PLCB4: variants seen among roughly 807,000 people sequenced by gnomAD.
The protein encoded by PLCB4 is phospholipase C beta 4, also known as 1-phosphatidylinositol 4,5-bisphosphate phosphodiesterase beta-4.
PLCB4 carries 77 observed loss-of-function variants against 178.8 expected under a neutral mutation model. The observed-to-expected ratio is 0.43, with a 90% CI of 0.36 to 0.52. The LOEUF (loss-of-function observed/expected upper bound fraction) is 0.52. PLCB4 is among the 20% of genes least tolerant of loss of function. PLCB4 has a pLI of 0.00. For synonymous variants in PLCB4, 496 were observed against 490.8 expected, an observed-to-expected ratio of 1.01 and a Z score of -0.14; for missense variants, 1,024 against 1,453.4, an observed-to-expected ratio of 0.70 and a Z score of 4.80.
intron 2 of PLCB4, among the ~76,000 whole-genome samples, chr20:9,108,633 ATCT>A (rs774401635): frequency 1.3e-5 from 2 of 151,704 alleles, no homozygotes; most frequent in African/African-American, 4.8e-5. Flanking sequence ...AAGGAACAAG[ATCT>A]TCTTTTTTTT....
intron 35 of PLCB4, among the ~76,000 whole-genome samples, chr20:9,461,748 C>T (rs902548552): frequency 6.6e-6 from 1 of 152,114 alleles, no homozygotes; most frequent in Non-Finnish European, 1.5e-5. Flanking sequence ...AACAAAGTGG[C>T]CAGGAAGCTC....
chr20:9,396,788 A>G (rs558317725), intron 19 of PLCB4, among the ~76,000 whole-genome samples: 15 of 152,344 alleles, frequency 9.8e-5, no homozygotes, highest in African/African-American at 3.6e-4. Flanking sequence ...ACTGTAGGCT[A>G]GTAAGTGTTC....
At chr20:9,355,677 T>G (rs1456688024) in intron 7 of PLCB4, among the ~76,000 whole-genome samples, 1 of 152,010 alleles carries the variant, frequency 6.6e-6, no homozygotes, top group Non-Finnish European at 1.5e-5. Flanking sequence ...GTGCCACATT[T>G]TCTTAATCCA....
chr20:9,220,000 G>A (rs1236181509), intron 3 of PLCB4, among the ~76,000 whole-genome samples: 1 of 151,808 alleles, frequency 6.6e-6, no homozygotes, highest in Admixed American at 6.6e-5. Flanking sequence ...TATATGTCAC[G>A]TTCAATTTAG....
At chr20:9,142,975 C>A (rs1279445309) in intron 2 of PLCB4, among the ~76,000 whole-genome samples, 1 of 152,180 alleles carries the variant, frequency 6.6e-6, no homozygotes, top group African/African-American at 2.4e-5. Context: ...ACCTTGCCAA[C>A]TGCTTTTCCT....
At chr20:9,350,374 A>G (rs528888556) in intron 7 of PLCB4, among the ~76,000 whole-genome samples, 13 of 152,202 alleles carry the variant, frequency 8.5e-5, no homozygotes, top group African/African-American at 3.1e-4. Context: ...AGTCTGTGGG[A>G]TAGGTATTAT....
chr20:9,107,492 G>GGATT lies in PLCB4; in HGVS notation c.-79+11151_-79+11154dup, dbSNP rs556209056. Among the ~76,000 whole-genome samples the GGATT allele has an allele frequency of 2.5e-4, 38 of 152,244 alleles. No homozygotes were observed. The East Asian group carries it at 5.4e-3, about 22-fold the overall frequency. ...GTCAAGGCCCTAAGTTGCTAAGGAA[G>GGATT]GATTACATGTCATCTGTGGGGGGCG... On this transcript the variant is annotated intron_variant, in intron 2 of 39. Coordinates refer to ENST00000378473, the MANE Select transcript of PLCB4 (RefSeq NM_001377142.1).
At chr20:9,469,903 T>C (rs78900345) in intron 36 of PLCB4, among the ~76,000 whole-genome samples, 4,160 of 152,284 alleles carry the variant, frequency 0.027, 182 homozygotes, top group African/African-American at 0.092. Context: ...CATCTGAGAA[T>C]ACAAATGCTA....
intron 4 of PLCB4, among the ~76,000 whole-genome samples, chr20:9,331,603 G>A (rs1288898618): frequency 6.6e-6 from 1 of 152,038 alleles, no homozygotes; most frequent in Non-Finnish European, 1.5e-5. Context: ...CCTTATGAGG[G>A]GATTAAACTT....
chr20:9,360,960 A>G (rs185282222), intron 7 of PLCB4, among the ~76,000 whole-genome samples: 1 of 152,310 alleles, frequency 6.6e-6, no homozygotes, highest in East Asian at 1.9e-4. Flanking sequence ...TACTTAAAAA[A>G]AGAAACAAAC....
intron 12 of PLCB4, 128 bp from the exon 13 acceptor site, chr20:9,379,926 G>A (rs1412027477): frequency 1.8e-6 from 1 of 557,952 alleles, no homozygotes; most frequent in East Asian, 3.2e-5. Context: ...AGGCAGTGAG[G>A]TCCTATCTTT....
At chr20:9,375,011 G>A (rs923814871) in intron 12 of PLCB4, among the ~76,000 whole-genome samples, 13 of 151,858 alleles carry the variant, frequency 8.6e-5, no homozygotes, top group Admixed American at 2.6e-4. Flanking sequence ...TGATGGAATC[G>A]GTGTGATTCT....
chr20:9,474,480 A>C (rs1248589247), intron 38 of PLCB4, among the ~76,000 whole-genome samples: 1 of 152,132 alleles, frequency 6.6e-6, no homozygotes, highest in Non-Finnish European at 1.5e-5. Flanking sequence ...TTGGTATAGA[A>C]GTTATTATTC....
rs867755017 is a variant in PLCB4, at chr20:9,393,621, G to A, written c.1357G>A (p.Asp453Asn). 1.2e-6 allele frequency: 2 copies of A among 1,613,390 alleles called. No homozygotes were observed. Among genetic ancestry groups the A allele is most frequent in the Non-Finnish European group, 1.7e-6 (2 of 1,179,526 alleles). Residue 453 changes from aspartate to asparagine, a missense_variant, in exon 18 of 40, where the codon GAC becomes AAC. This residue lies in a region of PLCB4 where 263 missense variants were observed against 417.4 expected (regional missense o/e 0.63). Transcript: ENST00000378473. ...AGGCAGGGCTTTGCCATCCCCCAATGACCTCAAAAGAAAAATACTCATAAA... is the reference window on the plus strand; with the variant it reads ...AGGCAGGGCTTTGCCATCCCCCAATAACCTCAAAAGAAAAATACTCATAAA... Reference protein sequence around the residue: ...EPGRALPSPNDLKRKILIKNK... With the variant: ...EPGRALPSPNNLKRKILIKNK...
intron 2 of PLCB4, among the ~76,000 whole-genome samples, chr20:9,188,710 G>A (rs1472686650): frequency 1.4e-5 from 2 of 138,348 alleles, no homozygotes; most frequent in Non-Finnish European, 3.1e-5. Context: ...GTGGAGGGCT[G>A]TCATATAGTG....
At chr20:9,407,372 C>CTTT (rs1193918345) in intron 21 of PLCB4, among the ~76,000 whole-genome samples, 3 of 141,732 alleles carry the variant, frequency 2.1e-5, no homozygotes, top group Admixed American at 7.1e-5. Flanking sequence ...ATAGTAATTT[C>CTTT]TTTTTTTTTT....
intron 4 of PLCB4, among the ~76,000 whole-genome samples, chr20:9,316,312 A>G (rs1299362059): frequency 6.6e-6 from 1 of 152,190 alleles, no homozygotes; most frequent in East Asian, 1.9e-4. Flanking sequence ...AGTCCGGTGC[A>G]CACTTAAGTA....
intron 3 of PLCB4, among the ~76,000 whole-genome samples, chr20:9,261,323 C>G (rs1326785273): frequency 6.6e-6 from 1 of 151,922 alleles, no homozygotes; most frequent in Non-Finnish European, 1.5e-5. Flanking sequence ...AATTCAAATT[C>G]CAAACAAGAA....
At chr20:9,111,225 A>C (rs2091564361) in intron 2 of PLCB4, among the ~76,000 whole-genome samples, 2 of 152,194 alleles carry the variant, frequency 1.3e-5, no homozygotes, top group African/African-American at 4.8e-5. Context: ...GTTATTGGAC[A>C]GAGAACTGGC....
Sources: gnomAD v4.1 joint callset for allele counts (sites outside exome capture counted in the v4.1 genomes callset) on GRCh38, gnomAD v4.1.1 for gene constraint, gnomAD v4.1.1 regional missense constraint, MANE v1.5 for transcripts, NCBI Gene and HGNC (gene_info 2026-07-23, HGNC 2026-07-21) for gene names.